The following APOE variants were observed in gnomAD, a reference collection of about 807,000 sequenced individuals.
APOE encodes the protein apolipoprotein E3.
A neutral mutation model predicts 13.1 loss-of-function variants in APOE; 10 were observed. The ratio of observed to expected loss-of-function variants is 0.76; its 90% CI spans 0.47 to 1.29. The LOEUF (loss-of-function observed/expected upper bound fraction) is 1.29, where lower values mean the gene tolerates loss of function less well. Among genes scored for constraint, APOE ranks in the 50% most tolerant of loss-of-function variants. APOE has a pLI of 0.00. For missense variants in APOE, 471 were observed against 459.6 expected, an observed-to-expected ratio of 1.02 and a Z score of -0.23; for synonymous variants, 211 against 207.1, an observed-to-expected ratio of 1.02 and a Z score of -0.16.
Position 44,908,833 on chromosome 19 carries a change from G to A in APOE, c.537G>A (p.Val179=), listed in dbSNP as rs1465409896. 4 of 1,535,096 alleles carry A rather than the reference G, an allele frequency of 2.6e-6. No individual in the cohort carries two copies. In the South Asian group the frequency reaches 3.6e-5, roughly 14 times the overall value. ...ATGACCTGCAGAAGCGCCTGGCAGT[G>A]TACCAGGCCGGGGCCCGCGAGGGCG... ...DADDLQKRLA[V]YQAGAREGAE... The change falls in exon 4 of 4, where the codon GTG becomes GTA. Residue 179 remains valine (V), a synonymous_variant. Transcript: ENST00000252486.
chr19:44,908,885 G>A lies in APOE; in HGVS notation c.589G>A (p.Glu197Lys). ...CGAGCGCGGCCTCAGCGCCATCCGC[G>A]AGCGCCTGGGGCCCCTGGTGGAACA... is the stretch of plus-strand genomic sequence containing the variant. Reference protein sequence around the residue: ...GAERGLSAIRERLGPLVEQGR... With the variant: ...GAERGLSAIRKRLGPLVEQGR... Residue 197 changes from glutamate to lysine, a missense_variant, in exon 4 of 4, where the codon GAG becomes AAG. Transcript: ENST00000252486. 6.7e-7 allele frequency: 1 copy of A among 1,488,226 alleles called. No homozygotes were observed. The highest frequency in any genetic ancestry group is 8.9e-7 in the Non-Finnish European group (1 of 1,126,508). The allele number at this position is 1,488,226 out of a possible 1,614,324, so 92.2% of individuals were successfully genotyped here.
At chr19:44,905,880 G>A (rs749645156) in intron 1 of APOE, 39 bp downstream of exon 1, 2 of 1,295,218 alleles carry the variant, frequency 1.5e-6, no homozygotes, top group South Asian at 2.5e-5. Flanking sequence ...TGAGCTCAGG[G>A]GCCTCTAGAA....
intron 3 of APOE, 71 bp from the exon 4 acceptor site, chr19:44,908,462 C>T: frequency 6.6e-7 from 1 of 1,518,876 alleles, no homozygotes; most frequent in East Asian, 2.3e-5. Flanking sequence ...TCATCCCCAT[C>T]TCGCCCGCCC....
chr19:44,907,774 G>T lies in APOE; in HGVS notation c.58G>T (p.Val20Leu). The T allele has an allele frequency of 6.2e-7, 1 of 1,611,866 alleles. No homozygotes were observed. The change falls in exon 3 of 4, where the codon GTG becomes TTG. Residue 20 changes from valine (V) to leucine (L), a missense_variant. Coordinates refer to ENST00000252486, the MANE Select transcript of APOE (RefSeq NM_000041.4). This position sits in a 1 kb window ranked among gnomAD's most constrained non-coding sequence, Gnocchi z 4.1. ...GTTCCACACAGGATGCCAGGCCAAGGTGGAGCAAGCGGTGGAGACAGAGCC... is the reference window on the plus strand; with the variant it reads ...GTTCCACACAGGATGCCAGGCCAAGTTGGAGCAAGCGGTGGAGACAGAGCC... ...VTFLAGCQAK[V>L]EQAVETEPEP...
Position 44,909,269 on chromosome 19 carries a change from A to G in APOE, c.*19A>G. On this transcript the variant is annotated 3_prime_UTR_variant, in exon 4 of 4. Transcript: ENST00000252486. ...TCACTGAACGCCGAAGCCTGCAGCC[A>G]TGCGACCCCACGCCACCCCGTGCCT... The G allele has an allele frequency of 6.3e-7, 1 of 1,593,954 alleles. No individual in the cohort carries two copies. The highest frequency in any genetic ancestry group is 8.5e-7 in the Non-Finnish European group (1 of 1,177,424).
Position 44,909,056 on chromosome 19 carries a change from G to T in APOE, c.760G>T (p.Val254Leu). 1 of 1,562,368 alleles carries T rather than the reference G, an allele frequency of 6.4e-7. No individual in the cohort carries two copies. ...RDRLDEVKEQ[V>L]AEVRAKLEEQ... ...CCGCCTGGACGAGGTGAAGGAGCAG[G>T]TGGCGGAGGTGCGCGCCAAGCTGGA... The change falls in exon 4 of 4, where the codon GTG (valine) becomes TTG (leucine). Residue 254 changes from valine to leucine, a missense_variant. Coordinates refer to ENST00000252486, the MANE Select transcript of APOE (RefSeq NM_000041.4).
intron 1 of APOE, 42 bp from the exon 2 acceptor site, chr19:44,906,560 G>T (rs773051326): frequency 6.2e-7 from 1 of 1,611,860 alleles, no homozygotes; most frequent in Non-Finnish European, 8.5e-7. Context: ...GGGGTGGGAG[G>T]AGTCCTCACT....
At chr19:44,906,353 T>C (rs890493036) in intron 1 of APOE, 4 of 560,936 alleles carry the variant, frequency 7.1e-6, no homozygotes, top group Admixed American at 2.9e-5. Flanking sequence ...GGGATGGAAT[T>C]TGAACCCCGG....
rs767980905 is a variant in APOE at position 44,908,545 on chromosome 19, C to A, written c.249C>A (p.Asp83Glu). The A allele has an allele frequency of 1.2e-6, 2 of 1,613,664 alleles. No homozygotes were observed. The highest frequency in any genetic ancestry group is 2.2e-5 in the East Asian group (1 of 44,868). The change falls in exon 4 of 4, where the codon GAC becomes GAA. Residue 83 changes from aspartate (D) to glutamate (E), a missense_variant. Asp to Glu is a conservative substitution (Grantham distance 45). Coordinates refer to ENST00000252486, the MANE Select transcript of APOE (RefSeq NM_000041.4). ...QVTQELRALM[D>E]ETMKELKAYK... ...CTCTCGGCCGCAGGGCGCTGATGGA[C>A]GAGACCATGAAGGAGTTGAAGGCCT...
intron 3 of APOE, 123 bp downstream of exon 3, chr19:44,908,075 C>T: frequency 1.1e-6 from 1 of 915,534 alleles, no homozygotes; most frequent in Non-Finnish European, 1.7e-6. Flanking sequence ...GTTCTAGCTT[C>T]CTCTTCCCAT....
At chr19:44,906,462 G>T in intron 1 of APOE, 140 bp from the exon 2 acceptor site, 1 of 861,174 alleles carries the variant, frequency 1.2e-6, no homozygotes, top group Non-Finnish European at 2.0e-6. Context: ...GGGGCGGCTT[G>T]GTAAATGTGC....
chr19:44,908,493 C>T (rs951896374), intron 3 of APOE, 40 bp from the exon 4 acceptor site: 48 of 1,606,400 alleles, frequency 3.0e-5, no homozygotes, highest in Non-Finnish European at 3.9e-5. Flanking sequence ...CTTCTCCCCG[C>T]CTCCCACTGT....
rs1275052738 is a variant in APOE at position 44,907,673 on chromosome 19, G to A, written c.44-87G>A. ...CCACCATGGCTCCAAAGAAGCATTT[G>A]TGGAGCACCTTCTGTGTGCCCCTAG... On this transcript the variant is annotated intron_variant, in intron 2 of 3. Transcript: ENST00000252486. This position sits in a 1 kb window ranked among gnomAD's most constrained non-coding sequence, Gnocchi z 4.1. 3.2e-6 allele frequency: 4 copies of A among 1,234,230 alleles called. No homozygotes were observed. The highest frequency in any genetic ancestry group is 4.6e-6 in the Non-Finnish European group (4 of 870,516). The allele number at this position is 1,234,230 out of a possible 1,614,324, so 76.5% of individuals were successfully genotyped here. A position where few individuals can be genotyped will look rare whatever the true frequency, so the allele number is the denominator to read the frequency against.
chr19:44,908,417 C>G (rs1368416942), intron 3 of APOE, 116 bp from the exon 4 acceptor site: 1 of 1,034,718 alleles, frequency 9.7e-7, no homozygotes, highest in Admixed American at 1.9e-5. Flanking sequence ...TCGGCCTCTG[C>G]CCCGTTCCTT....
Position 44,907,392 on chromosome 19 carries a change from T to G in APOE, c.44-368T>G. 6.5e-6 allele frequency: 2 copies of G among 309,478 alleles called. No homozygotes were observed. Among genetic ancestry groups the G allele is most frequent in the Non-Finnish European group, 6.4e-6 (1 of 156,310 alleles). 19.2% of individuals were successfully genotyped at this position (309,478 alleles called of 1,614,324 possible). A position where few individuals can be genotyped will look rare whatever the true frequency, so the allele number is the denominator to read the frequency against. ...TGGGAGGATCACTTGAGCCCAGGAG[T>G]TCAACACCAGCCTGGGCAACATAGT... is the stretch of plus-strand genomic sequence containing the variant. On this transcript the variant is annotated intron_variant, in intron 2 of 3. Coordinates refer to ENST00000252486, the MANE Select transcript of APOE (RefSeq NM_000041.4). This position sits in a 1 kb window ranked among gnomAD's most constrained non-coding sequence, Gnocchi z 4.1.
Position 44,909,060 on chromosome 19 carries a change from C to T in APOE, c.764C>T (p.Ala255Val), listed in dbSNP as rs780984110. 5.1e-6 allele frequency: 8 copies of T among 1,563,874 alleles called. No homozygotes were observed. Among genetic ancestry groups the T allele is most frequent in the South Asian group, 1.2e-5 (1 of 86,236 alleles). Residue 255 changes from alanine to valine, a missense_variant, in exon 4 of 4, where the codon GCG (alanine) becomes GTG (valine). Ala to Val is a moderately conservative substitution (Grantham distance 64). Transcript: ENST00000252486. ...CTGGACGAGGTGAAGGAGCAGGTGGCGGAGGTGCGCGCCAAGCTGGAGGAG... is the reference window on the plus strand; with the variant it reads ...CTGGACGAGGTGAAGGAGCAGGTGGTGGAGGTGCGCGCCAAGCTGGAGGAG... ...DRLDEVKEQVAEVRAKLEEQA... is the reference protein window; with the variant it reads ...DRLDEVKEQVVEVRAKLEEQA...
In APOE at chr19:44,908,008, G is replaced by T. The variant is rs1269528805; in HGVS notation, c.236+56G>T. On this transcript the variant is annotated intron_variant, in intron 3 of 3. Coordinates refer to ENST00000252486, the MANE Select transcript of APOE (RefSeq NM_000041.4). ...CCTGGTGGGCGGCTATACCTCCCCA[G>T]GTCCAGGTTTCATTCTGCCCCTGTC... 5 of 1,549,354 alleles carry T rather than the reference G, an allele frequency of 3.2e-6. No homozygotes were observed. The African/African-American group carries it at 6.8e-5, about 21-fold the overall frequency.
chr19:44,907,802 A>G lies in APOE; in HGVS notation c.86A>G (p.Glu29Gly). ...KVEQAVETEP[E>G]PELRQQTEWQ... is the part of the protein sequence containing the mutation. ...GAGCAAGCGGTGGAGACAGAGCCGG[A>G]GCCCGAGCTGCGCCAGCAGACCGAG... The change falls in exon 3 of 4, where the codon GAG becomes GGG. Residue 29 changes from glutamate to glycine, a missense_variant. Transcript: ENST00000252486. This position sits in a 1 kb window ranked among gnomAD's most constrained non-coding sequence, Gnocchi z 4.1. The G allele has an allele frequency of 6.2e-7, 1 of 1,613,758 alleles. No homozygotes were observed. Among genetic ancestry groups the G allele is most frequent in the South Asian group, 1.1e-5 (1 of 91,064 alleles).
rs111833428 is a variant in APOE, at chr19:44,907,785, G to A, written c.69G>A (p.Ala23=). The A allele has an allele frequency of 2.9e-4, 467 of 1,612,810 alleles. No individual in the cohort carries two copies. Among genetic ancestry groups the A allele is most frequent in the Non-Finnish European group, 3.6e-4 (430 of 1,179,880 alleles). The change falls in exon 3 of 4, where the codon GCG becomes GCA. Residue 23 remains alanine, a synonymous_variant. Coordinates refer to ENST00000252486, the MANE Select transcript of APOE (RefSeq NM_000041.4). This position sits in a 1 kb window ranked among gnomAD's most constrained non-coding sequence, Gnocchi z 4.1. ...LAGCQAKVEQ[A]VETEPEPELR... The stretch of plus-strand genomic sequence containing the variant: ...GATGCCAGGCCAAGGTGGAGCAAGC[G>A]GTGGAGACAGAGCCGGAGCCCGAGC...
Sources: gnomAD v4.1 joint callset for allele counts on GRCh38, gnomAD v4.1.1 for gene constraint, Gnocchi (gnomAD v3.1) non-coding constraint, MANE v1.5 for transcripts, NCBI Gene and HGNC (gene_info 2026-07-23, HGNC 2026-07-21) for gene names.